The following KDM4C variants were observed in gnomAD, a reference collection of about 807,000 sequenced individuals.
The protein encoded by KDM4C is lysine-specific demethylase 4C.
KDM4C carries 81 observed loss-of-function variants against 129.3 expected under a neutral mutation model. That is an observed-to-expected ratio of 0.63 (90% CI 0.52 to 0.75). KDM4C has a LOEUF of 0.75. Among genes scored for constraint, KDM4C ranks in the 30% least tolerant of loss-of-function variants. The pLI is 0.00. For missense variants in KDM4C, 1,457 were observed against 1,304.0 expected (o/e 1.12, Z -1.81); for synonymous variants, 573 against 456.1 (o/e 1.26, Z -3.26).
At chr9:6,936,673 T>C (rs1401075845) in intron 8 of KDM4C, among the ~76,000 whole-genome samples, 1 of 152,212 alleles carries the variant, frequency 6.6e-6, no homozygotes, top group Non-Finnish European at 1.5e-5. Context: ...GAAGCCAGTT[T>C]GTAGAAAGGT....
chr9:6,846,499 G>T (rs1837874173), intron 4 of KDM4C, among the ~76,000 whole-genome samples: 1 of 152,114 alleles, frequency 6.6e-6, no homozygotes, highest in Admixed American at 6.6e-5. Flanking sequence ...CAGATAGCTA[G>T]TTTAATAGTA....
At chr9:6,854,639 C>T (rs1426658013) in intron 5 of KDM4C, among the ~76,000 whole-genome samples, 2 of 150,268 alleles carry the variant, frequency 1.3e-5, no homozygotes, top group Admixed American at 1.3e-4. Context: ...GGTCTAAAAT[C>T]AGGAAAGGTT....
chr9:6,997,662 G>T (rs1044108518), intron 12 of KDM4C, among the ~76,000 whole-genome samples: 1 of 152,208 alleles, frequency 6.6e-6, no homozygotes, highest in Non-Finnish European at 1.5e-5. Context: ...TCTTGACTTT[G>T]TGCTTTATAT....
At chr9:6,789,218 A>ATT (rs71308871) in intron 1 of KDM4C, among the ~76,000 whole-genome samples, 42,911 of 117,230 alleles carry the variant, frequency 0.37, 8,592 homozygotes, top group Non-Finnish European at 0.38. Flanking sequence ...CGCCTGGCTA[A>ATT]TTTTTTTTTT....
chr9:6,775,147 G>C (rs576835718), intron 1 of KDM4C, among the ~76,000 whole-genome samples: 34 of 152,270 alleles, frequency 2.2e-4, no homozygotes, highest in African/African-American at 6.7e-4. Context: ...CTCCCGAGTA[G>C]CTGGGATTAC....
intron 17 of KDM4C, among the ~76,000 whole-genome samples, chr9:7,085,793 GGA>G (rs1264835516): frequency 6.6e-6 from 1 of 151,968 alleles, no homozygotes; most frequent in African/African-American, 2.4e-5. Flanking sequence ...TGAAGTGAAT[GGA>G]GCATGCAGTC....
intron 1 of KDM4C, among the ~76,000 whole-genome samples, chr9:6,771,190 CA>C (rs1190592172): frequency 1.3e-5 from 2 of 150,100 alleles, no homozygotes; most frequent in African/African-American, 4.9e-5. Flanking sequence ...GGCCTCCCCC[CA>C]AAGTGCTAGG....
At chr9:6,948,027 TTC>T (rs1351544407) in intron 8 of KDM4C, 1 of 152,206 alleles carries the variant, frequency 6.6e-6, no homozygotes, top group Non-Finnish European at 1.5e-5. Context: ...TCCTGTTTTT[TTC>T]TAGGTGAGAT....
In KDM4C at chr9:7,087,119, A is replaced by G. The variant is rs542452372; in HGVS notation, c.2425-16566A>G. 1.0e-4 allele frequency among the ~76,000 whole-genome samples: 15 copies of G among 149,584 alleles called. 1 individual carries two copies. The South Asian group carries it at 3.0e-3, about 30-fold the overall frequency. On this transcript the variant is annotated intron_variant, in intron 17 of 21. Coordinates refer to ENST00000381309, the MANE Select transcript of KDM4C (RefSeq NM_015061.6). ...TTTTTTTTTCACTTTTGACAGAATT[A>G]AAGGAGTACCCAAATGATGTCAGCT...
chr9:6,984,438 G>A, intron 10 of KDM4C, 34 bp downstream of exon 10: 2 of 1,359,824 alleles, frequency 1.5e-6, no homozygotes, highest in South Asian at 1.2e-5. Flanking sequence ...TCACATATAA[G>A]TAGTAGGTGG....
intron 8 of KDM4C, among the ~76,000 whole-genome samples, chr9:6,971,423 A>C (rs953318046): frequency 6.6e-6 from 1 of 152,222 alleles, no homozygotes; most frequent in African/African-American, 2.4e-5. Context: ...CTGTTTTAAA[A>C]TTTGGACTGA....
chr9:7,086,759 C>T (rs1035703787), intron 17 of KDM4C, among the ~76,000 whole-genome samples: 12 of 152,210 alleles, frequency 7.9e-5, no homozygotes, highest in Non-Finnish European at 1.3e-4. Flanking sequence ...TACACACACC[C>T]ATGTACCCTT....
At chr9:6,977,086 C>T (rs1258690553) in intron 8 of KDM4C, among the ~76,000 whole-genome samples, 1 of 152,082 alleles carries the variant, frequency 6.6e-6, no homozygotes, top group African/African-American at 2.4e-5. Flanking sequence ...GGGATCAAGC[C>T]ATCCACCTGC....
intron 15 of KDM4C, among the ~76,000 whole-genome samples, chr9:7,027,297 C>T (rs1241395372): frequency 6.6e-6 from 1 of 152,246 alleles, no homozygotes; most frequent in Non-Finnish European, 1.5e-5. Context: ...CATTAGCAGA[C>T]ACCCCAAGCT....
Position 6,729,973 on chromosome 9 carries a change from G to A in KDM4C, c.49+8976G>A, listed in dbSNP as rs539897965. Reference sequence around the variant, plus strand: ...AAATATACAAAAATTAGCTGGATGCGGTGGTGCACGCCTGTAGTCCGAACT... The same window carrying A: ...AAATATACAAAAATTAGCTGGATGCAGTGGTGCACGCCTGTAGTCCGAACT... On this transcript the variant is annotated intron_variant, in intron 1 of 17. Coordinates refer to the KDM4C transcript ENST00000536108. Among the ~76,000 whole-genome samples the A allele has an allele frequency of 3.0e-5, 4 of 133,926 alleles. 2 individuals are homozygous for A. The highest frequency in any genetic ancestry group is 1.3e-4 in the African/African-American group (4 of 31,512). 87.9% of individuals were successfully genotyped at this position (133,926 alleles called of 152,430 possible). A position where few individuals can be genotyped will look rare whatever the true frequency, so the allele number is the denominator to read the frequency against.
intron 15 of KDM4C, among the ~76,000 whole-genome samples, chr9:7,018,919 A>C (rs1047522405): frequency 1.3e-5 from 2 of 152,218 alleles, no homozygotes; most frequent in African/African-American, 4.8e-5. Context: ...AATCTCTGTC[A>C]ATTTACAGTT....
At chr9:6,833,851 A>G (rs1835353680) in intron 4 of KDM4C, among the ~76,000 whole-genome samples, 1 of 152,188 alleles carries the variant, frequency 6.6e-6, no homozygotes, top group African/African-American at 2.4e-5. Context: ...AAGTTTGTCC[A>G]ATCCGCAGCC....
intron 19 of KDM4C, among the ~76,000 whole-genome samples, chr9:7,133,654 G>C (rs940267902): frequency 4.6e-5 from 7 of 152,164 alleles, no homozygotes; most frequent in Admixed American, 3.3e-4. Flanking sequence ...TTGTGGCTTA[G>C]TGCAGCTGAG....
intron 15 of KDM4C, among the ~76,000 whole-genome samples, chr9:7,017,165 G>A (rs932526408): frequency 6.6e-6 from 1 of 152,152 alleles, no homozygotes; most frequent in Non-Finnish European, 1.5e-5. Context: ...TCAAACTCCT[G>A]AGCTCAAGTG....
Sources: allele counts gnomAD v4.1 joint callset (sites outside exome capture counted in the v4.1 genomes callset), GRCh38; gene constraint gnomAD v4.1.1; transcripts MANE v1.5; gene names NCBI Gene and HGNC (gene_info 2026-07-23, HGNC 2026-07-21).